The following MYO3B variants were observed in gnomAD, a reference collection of about 807,000 sequenced individuals.
The protein encoded by MYO3B is myosin-IIIb.
A neutral mutation model predicts 174.6 loss-of-function variants in MYO3B; 156 were observed. The ratio of observed to expected loss-of-function variants is 0.89; its 90% confidence interval spans 0.78 to 1.02. MYO3B has a LOEUF of 1.02. Among genes scored for constraint, MYO3B ranks in the 50% least tolerant of loss-of-function variants. MYO3B has a pLI of 0.00. For missense variants in MYO3B, 1,632 were observed against 1,639.4 expected, an observed-to-expected ratio of 1.00 and a Z score of 0.08; for synonymous variants, 563 against 569.1, an observed-to-expected ratio of 0.99 and a Z score of 0.15.
intron 28 of MYO3B, among the ~76,000 whole-genome samples, chr2:170,504,143 C>T (rs758824118): frequency 3.9e-5 from 6 of 152,192 alleles, no homozygotes; most frequent in Non-Finnish European, 8.8e-5. Context: ...TGGCTCCCCG[C>T]TTTAGGAGCC....
At chr2:170,396,630 A>T (rs1398622418) in intron 16 of MYO3B, among the ~76,000 whole-genome samples, 1 of 152,212 alleles carries the variant, frequency 6.6e-6, no homozygotes, top group African/African-American at 2.4e-5. Context: ...TCTCAGGGTC[A>T]TAGATAGTTT....
chr2:170,508,663 A>G (rs1386438432), intron 28 of MYO3B, among the ~76,000 whole-genome samples: 2 of 152,196 alleles, frequency 1.3e-5, no homozygotes, highest in Admixed American at 1.3e-4. Flanking sequence ...ATGCCCTGCC[A>G]TTGGTTTCCA....
At chr2:170,199,511 G>T (rs2092638385) in intron 2 of MYO3B, 120 bp downstream of exon 2, 1 of 767,760 alleles carries the variant, frequency 1.3e-6, no homozygotes, top group South Asian at 2.5e-5. Flanking sequence ...CTCAAAATGG[G>T]TCATGATTTG....
chr2:170,240,767 C>G (rs1240130935), intron 7 of MYO3B, among the ~76,000 whole-genome samples: 1 of 152,068 alleles, frequency 6.6e-6, no homozygotes, highest in African/African-American at 2.4e-5. Context: ...CTGAATCAGC[C>G]AAGAAACGGA....
intron 25 of MYO3B, among the ~76,000 whole-genome samples, chr2:170,471,544 A>T (rs1684976896): frequency 1.3e-5 from 2 of 152,070 alleles, no homozygotes; most frequent in Admixed American, 1.3e-4. Context: ...TATATTTTAG[A>T]TCTATGGTCC....
chr2:170,557,561 A>G (rs1055479236), intron 32 of MYO3B, among the ~76,000 whole-genome samples: 7 of 152,170 alleles, frequency 4.6e-5, no homozygotes, highest in African/African-American at 1.7e-4. Context: ...ATTCATTAGG[A>G]TATTTGTCCA....
intron 14 of MYO3B, among the ~76,000 whole-genome samples, chr2:170,390,344 C>A (rs907150617): frequency 2.0e-5 from 3 of 152,146 alleles, no homozygotes; most frequent in Non-Finnish European, 4.4e-5. Flanking sequence ...GCAAGAATTG[C>A]TTGAACCCAG....
At chr2:170,518,383 C>G (rs1688455940) in intron 29 of MYO3B, among the ~76,000 whole-genome samples, 1 of 152,142 alleles carries the variant, frequency 6.6e-6, no homozygotes, top group Non-Finnish European at 1.5e-5. Context: ...TCTAGGTTAT[C>G]TAAAATAAGG....
intron 8 of MYO3B, among the ~76,000 whole-genome samples, chr2:170,356,808 C>A (rs1404395750): frequency 6.6e-6 from 1 of 152,026 alleles, no homozygotes; most frequent in Admixed American, 6.6e-5. Flanking sequence ...GACAAGGTCT[C>A]ACCCTGTGGC....
chr2:170,589,238 G>A (rs1365279510), intron 32 of MYO3B, among the ~76,000 whole-genome samples: 2 of 152,126 alleles, frequency 1.3e-5, no homozygotes, highest in Admixed American at 6.5e-5. Flanking sequence ...TAATACAGAG[G>A]ATGTTCGTGG....
At chr2:170,602,894 C>T (rs1694602476) in intron 32 of MYO3B, among the ~76,000 whole-genome samples, 1 of 152,038 alleles carries the variant, frequency 6.6e-6, no homozygotes, top group African/African-American at 2.4e-5. Context: ...TGGAGAAACC[C>T]TGTCTCTACT....
intron 16 of MYO3B, among the ~76,000 whole-genome samples, chr2:170,395,894 T>A (rs2094440085): frequency 6.6e-6 from 1 of 152,172 alleles, no homozygotes; most frequent in Non-Finnish European, 1.5e-5. Flanking sequence ...CAGAGAAAAC[T>A]AAGTTTTCTC....
chr2:170,460,152 A>AGGGCTGCTAGCAC (rs1485005683), intron 23 of MYO3B, among the ~76,000 whole-genome samples: 1 of 152,038 alleles, frequency 6.6e-6, no homozygotes, highest in East Asian at 1.9e-4. Context: ...AGAGTAAGCG[A>AGGGCTGCTAGCAC]GGGCTGCTAG....
intron 8 of MYO3B, chr2:170,340,433 T>C (rs1424514734): frequency 2.0e-5 from 3 of 152,302 alleles, no homozygotes; most frequent in East Asian, 3.9e-4. Context: ...TTGGGTAGTA[T>C]AGGGGAGAAA....
intron 9 of MYO3B, among the ~76,000 whole-genome samples, chr2:170,376,903 C>T (rs1471076167): frequency 1.3e-5 from 2 of 152,154 alleles, no homozygotes; most frequent in African/African-American, 2.4e-5. Context: ...GTTTCCTTCT[C>T]ATGTTTGAGT....
intron 7 of MYO3B, among the ~76,000 whole-genome samples, chr2:170,305,426 C>T (rs1023562601): frequency 2.0e-5 from 3 of 152,140 alleles, no homozygotes; most frequent in African/African-American, 7.2e-5. Context: ...ACACTTATTC[C>T]TCCAGAGGCT....
chr2:170,351,545 C>T (rs2094069992), intron 8 of MYO3B, among the ~76,000 whole-genome samples: 4 of 152,022 alleles, frequency 2.6e-5, no homozygotes, highest in Non-Finnish European at 5.9e-5. Flanking sequence ...CACAAAATGC[C>T]ATTCTACAAC....
chr2:170,499,149 T>G (rs1470843611), intron 26 of MYO3B, among the ~76,000 whole-genome samples: 1 of 152,200 alleles, frequency 6.6e-6, no homozygotes, highest in Non-Finnish European at 1.5e-5. Flanking sequence ...CCCCATAGGA[T>G]CCCAGGTTTT....
At chr2:170,191,511 T>C (rs181192710) in intron 1 of MYO3B, among the ~76,000 whole-genome samples, 44 of 152,266 alleles carry the variant, frequency 2.9e-4, no homozygotes, top group African/African-American at 9.9e-4. Flanking sequence ...TTCCTATCAC[T>C]GGGAGGTGCA....
Sources: gnomAD v4.1 joint callset for allele counts (sites outside exome capture counted in the v4.1 genomes callset) on GRCh38, gnomAD v4.1.1 for gene constraint, MANE v1.5 for transcripts, NCBI Gene and HGNC (gene_info 2026-07-23, HGNC 2026-07-21) for gene names.